MMUT: variants seen among roughly 807,000 people sequenced by gnomAD.
MMUT encodes methylmalonyl-CoA mutase, mitochondrial.
A neutral mutation model predicts 79.9 loss-of-function variants in MMUT; 79 were observed. The observed-to-expected ratio is 0.99, with a 90% CI of 0.82 to 1.19. The LOEUF (loss-of-function observed/expected upper bound fraction) is 1.19. Ranked by LOEUF, MMUT falls within the 50% of genes most tolerant of loss-of-function variation. MMUT has a pLI of 0.00. For missense variants in MMUT, 860 were observed against 917.2 expected (o/e 0.94, Z 0.81); for synonymous variants, 273 against 295.7 (o/e 0.92, Z 0.79).
rs368746965 is a variant in MMUT at position 49,448,839 on chromosome 6, C to G, written c.1421G>C (p.Arg474Pro). The change falls in exon 7 of 13, where the codon CGA becomes CCA. Residue 474 changes from arginine to proline, a missense_variant. Transcript: ENST00000274813. ...PKLRIEECAARRQARIDSGSE... is the reference protein window; with the variant it reads ...PKLRIEECAAPRQARIDSGSE... ...ACCAGAATCTATTCTAGCTTGTCTT[C>G]GGGCAGCACATTCTTCAATTCGAAG... 17 of 1,613,140 alleles carry G rather than the reference C, an allele frequency of 1.1e-5. No individual in the cohort carries two copies. Among genetic ancestry groups the G allele is most frequent in the Admixed American group, 3.3e-5 (2 of 59,986 alleles).
chr6:49,455,538 A>C (rs1767663817), intron 4 of MMUT, among the ~76,000 whole-genome samples: 1 of 152,344 alleles, frequency 6.6e-6, no homozygotes, highest in African/African-American at 2.4e-5. Flanking sequence ...AGTGTTTGGC[A>C]CAGCAAAGCT....
At chr6:49,462,807 G>A (rs1205656067) in intron 1 of MMUT, among the ~76,000 whole-genome samples, 1 of 152,164 alleles carries the variant, frequency 6.6e-6, no homozygotes, top group Non-Finnish European at 1.5e-5. Context: ...GAACAGTTCA[G>A]GGTGCTTAAG....
intron 9 of MMUT, among the ~76,000 whole-genome samples, chr6:49,442,804 G>A (rs1012968434): frequency 6.6e-6 from 1 of 152,042 alleles, no homozygotes; most frequent in African/African-American, 2.4e-5. Context: ...TTAGGAACAC[G>A]GCATAGTGAG....
intron 2 of MMUT, among the ~76,000 whole-genome samples, 189 bp downstream of exon 2, chr6:49,458,893 A>G (rs1664203047): frequency 6.6e-6 from 1 of 152,218 alleles, no homozygotes; most frequent in Admixed American, 6.5e-5. Context: ...TCAAAAATTT[A>G]GCACCTTATT....
intron 5 of MMUT, among the ~76,000 whole-genome samples, chr6:49,451,947 G>A (rs1438122800): frequency 1.3e-5 from 2 of 152,044 alleles, no homozygotes; most frequent in East Asian, 1.9e-4. Context: ...ATATTGTTGT[G>A]CTTACTTTTA....
Position 49,456,120 on chromosome 6 carries a change from C to T in MMUT, c.871G>A (p.Gly291Arg), listed in dbSNP as rs1767679615. ...LADGLEYSRT[G>R]LQAGLTIDEF... ...TCAATTGTCAGGCCAGCCTGGAGTC[C>T]AGTTCTAGAGTACTCCAATCCATCT... The change falls in exon 4 of 13, where the codon GGA (glycine) becomes AGA (arginine). Residue 291 changes from glycine to arginine, a missense_variant. Gly to Arg is a moderately radical substitution (Grantham distance 125). Transcript: ENST00000274813. 6.2e-7 allele frequency: 1 copy of T among 1,613,608 alleles called. No individual in the cohort carries two copies. Among genetic ancestry groups the T allele is most frequent in the Non-Finnish European group, 8.5e-7 (1 of 1,179,634 alleles).
intron 10 of MMUT, among the ~76,000 whole-genome samples, chr6:49,440,667 C>T (rs1251797992): frequency 6.6e-6 from 1 of 152,056 alleles, no homozygotes; most frequent in Non-Finnish European, 1.5e-5. Context: ...TTTGTTAATG[C>T]ATCTATTTTA....
intron 6 of MMUT, among the ~76,000 whole-genome samples, chr6:49,450,192 C>A (rs1447748088): frequency 6.7e-6 from 1 of 149,274 alleles, no homozygotes; most frequent in Non-Finnish European, 1.5e-5. Context: ...GATCACGCCA[C>A]TGCACTCCAG....
At chr6:49,451,772 A>ATAAACAGAAACATGAT in intron 5 of MMUT, 58 bp from the exon 6 acceptor site, 1 of 1,532,484 alleles carries the variant, frequency 6.5e-7, no homozygotes, top group Non-Finnish European at 9.0e-7. Flanking sequence ...TATTGCAACT[A>ATAAACAGAAACATGAT]TAAACAGCAA....
intron 12 of MMUT, among the ~76,000 whole-genome samples, chr6:49,433,611 T>C (rs1397757142): frequency 6.6e-6 from 1 of 152,184 alleles, no homozygotes; most frequent in African/African-American, 2.4e-5. Context: ...TGGAGGCGAC[T>C]GCTGCTAAGA....
chr6:49,440,435 A>T, intron 10 of MMUT, 82 bp from the exon 11 acceptor site: 1 of 1,409,806 alleles, frequency 7.1e-7, no homozygotes, highest in Non-Finnish European at 9.8e-7. Flanking sequence ...ATTCACAGCA[A>T]ATCTTTCAAG....
intron 4 of MMUT, 88 bp from the exon 5 acceptor site, chr6:49,453,844 T>C: frequency 1.8e-6 from 2 of 1,123,688 alleles, no homozygotes; most frequent in African/African-American, 1.6e-5. Flanking sequence ...CACTAGAAAA[T>C]CAAGGTCTAT....
chr6:49,444,732 G>C lies in MMUT; in HGVS notation c.1583C>G (p.Ala528Gly), dbSNP rs750355021. 2.5e-6 allele frequency: 4 copies of C among 1,613,150 alleles called. No individual in the cohort carries two copies. Residue 528 changes from alanine (A) to glycine (G), a missense_variant, in exon 9 of 13, where the codon GCT becomes GGT. Physicochemically the swap from Ala to Gly is moderately conservative, Grantham distance 60 (BLOSUM62 0). Transcript: ENST00000274813. ...LKKIKSSRDQ[A>G]LAERCLAALT... ...TGCAGCAAGACAACGTTCAGCCAAAGCTTGATCCCTGCTGGATTTGATCTA... is the reference window on the plus strand; with the variant it reads ...TGCAGCAAGACAACGTTCAGCCAAACCTTGATCCCTGCTGGATTTGATCTA...
chr6:49,452,052 G>A (rs913623492), intron 5 of MMUT, among the ~76,000 whole-genome samples: 5 of 152,006 alleles, frequency 3.3e-5, no homozygotes, highest in Non-Finnish European at 5.9e-5. Flanking sequence ...ACTCTTTGCT[G>A]ATTATTTTGT....
chr6:49,432,725 G>C (rs920892791), intron 12 of MMUT, among the ~76,000 whole-genome samples: 15 of 152,140 alleles, frequency 9.9e-5, no homozygotes, highest in African/African-American at 2.9e-4. Context: ...TGAGTGAAAA[G>C]ATATCAAGGG....
At chr6:49,442,425 T>C (rs1767301254) in intron 9 of MMUT, among the ~76,000 whole-genome samples, 1 of 152,106 alleles carries the variant, frequency 6.6e-6, no homozygotes, top group South Asian at 2.1e-4. Context: ...ATATCTACTA[T>C]AGCGATACAG....
chr6:49,442,317 A>G (rs541470423), intron 9 of MMUT, among the ~76,000 whole-genome samples: 237 of 152,216 alleles, frequency 1.6e-3, no homozygotes, highest in Non-Finnish European at 2.0e-3. Flanking sequence ...ATATTTTTTG[A>G]TAAGAAGTAA....
rs770205649 is a variant in MMUT, at chr6:49,431,820, C to A, written c.2161G>T (p.Val721Leu). The A allele has an allele frequency of 1.1e-5, 18 of 1,613,804 alleles. 1 individual carries two copies. The South Asian group carries it at 2.0e-4, about 18-fold the overall frequency. The change falls in exon 13 of 13, where the codon GTA becomes TTA. Residue 721 changes from valine (V) to leucine (L), a missense_variant. By Grantham distance (32) the Val-to-Leu change is conservative. Coordinates refer to ENST00000274813, the MANE Select transcript of MMUT (RefSeq NM_000255.4). ...GGAATTCGAGTCCCAGGACCAAATA[C>A]ATTGGAAACACCAACTTCAAACAGA... ...EFLFEVGVSN[V>L]FGPGTRIPKA... is the part of the protein sequence containing the mutation.
chr6:49,434,757 CT>C (rs1278996470), intron 12 of MMUT, among the ~76,000 whole-genome samples: 2 of 152,166 alleles, frequency 1.3e-5, no homozygotes, highest in Non-Finnish European at 2.9e-5. Context: ...TGTTTCTCCT[CT>C]ACTAAGAGGA....
Sources: allele counts gnomAD v4.1 joint callset (sites outside exome capture counted in the v4.1 genomes callset), GRCh38; gene constraint gnomAD v4.1.1; transcripts MANE v1.5; gene names NCBI Gene and HGNC (gene_info 2026-07-23, HGNC 2026-07-21).